ATP2B2: variants seen among roughly 807,000 people sequenced by gnomAD.
ATP2B2 encodes plasma membrane calcium-transporting ATPase 2.
A neutral mutation model predicts 120.0 loss-of-function variants in ATP2B2; 15 were observed. The ratio of observed to expected loss-of-function variants is 0.12; its 90% CI spans 0.08 to 0.19. ATP2B2 has a LOEUF of 0.19. Ranked by LOEUF, ATP2B2 falls within the 10% of genes least tolerant of loss-of-function variation. ATP2B2 has a pLI of 1.00. For synonymous variants in ATP2B2, 694 were observed against 700.3 expected, an observed-to-expected ratio of 0.99 and a Z score of 0.14; for missense variants, 1,045 against 1,719.8, an observed-to-expected ratio of 0.61 and a Z score of 6.94.
intron 2 of ATP2B2, among the ~76,000 whole-genome samples, chr3:10,615,627 C>T (rs1488191920): frequency 6.6e-6 from 1 of 152,180 alleles, no homozygotes; most frequent in Non-Finnish European, 1.5e-5. Flanking sequence ...AGAGGTGAAG[C>T]TTTGTTTCTG....
At chr3:10,348,407 AC>A in intron 16 of ATP2B2, among the ~76,000 whole-genome samples, 1 of 152,206 alleles carries the variant, frequency 6.6e-6, no homozygotes, top group South Asian at 2.1e-4. Context: ...TGATGCTTCT[AC>A]CCTCTAAACC....
intron 1 of ATP2B2, among the ~76,000 whole-genome samples, chr3:10,702,111 A>G (rs1287820001): frequency 6.6e-6 from 1 of 152,134 alleles, no homozygotes; most frequent in African/African-American, 2.4e-5. Context: ...CGCTACCCAG[A>G]GTGGCTACCA....
chr3:10,370,675 G>A (rs566582947), intron 12 of ATP2B2, among the ~76,000 whole-genome samples: 2 of 152,156 alleles, frequency 1.3e-5, no homozygotes, highest in African/African-American at 2.4e-5. Flanking sequence ...TCCCCATTTC[G>A]ATAAAGCTGC....
intron 7 of ATP2B2, 135 bp from the exon 8 acceptor site, chr3:10,385,462 G>A (rs1158564228): frequency 4.0e-6 from 3 of 749,804 alleles, no homozygotes; most frequent in Non-Finnish European, 6.7e-6. Context: ...TGGAAACCAA[G>A]AAACTCAAAT....
rs573833586 is a variant in ATP2B2 at position 10,342,149 on chromosome 3, T to A, written c.2917+603A>T. Among the ~76,000 whole-genome samples, 6 of 152,342 alleles carry A rather than the reference T, an allele frequency of 3.9e-5. No homozygotes were observed. Among genetic ancestry groups the A allele is most frequent in the African/African-American group, 1.4e-4 (6 of 41,582 alleles). ...AGTCTTGGCCCCAGCCAGACCTGGT[T>A]CTGTGCCCAGACTCTTCCTCAGACT... On this transcript the variant is annotated intron_variant, in intron 19 of 22. Coordinates refer to ENST00000360273, the MANE Select transcript of ATP2B2 (RefSeq NM_001001331.4). This position sits in a 1 kb window ranked among gnomAD's most constrained non-coding sequence, Gnocchi z 4.4.
At chr3:10,354,342 C>T (rs932325576) in intron 14 of ATP2B2, among the ~76,000 whole-genome samples, 2 of 151,980 alleles carry the variant, frequency 1.3e-5, no homozygotes, top group Admixed American at 6.5e-5. Flanking sequence ...CTTCCCACAT[C>T]GATAAAATTA....
At chr3:10,334,038 A>G (rs11916041) in intron 22 of ATP2B2, among the ~76,000 whole-genome samples, 2,825 of 152,358 alleles carry the variant, frequency 0.019, 82 homozygotes, top group African/African-American at 0.063. Context: ...GGCTTTGCAA[A>G]TGAGGCAGAA....
rs1444618047 is a variant in ATP2B2 at position 10,371,760 on chromosome 3, A to G, written c.1659+49T>C. The G allele has an allele frequency of 1.9e-6, 3 of 1,613,800 alleles. No individual in the cohort carries two copies. In the Admixed American group the frequency reaches 5.0e-5, roughly 27 times the overall value. On this transcript the variant is annotated intron_variant, in intron 12 of 22. Transcript: ENST00000360273. ...TCAACCTGCCCAGTACCTCTGTACC[A>G]TCCCATGGATGTTGCTCCAGGTGGT...
chr3:10,657,533 G>A (rs574029956), intron 1 of ATP2B2, among the ~76,000 whole-genome samples: 122 of 152,346 alleles, frequency 8.0e-4, no homozygotes, highest in South Asian at 4.3e-3. Flanking sequence ...ACTGCCAGGC[G>A]GCAGCGAGGC....
intron 1 of ATP2B2, among the ~76,000 whole-genome samples, chr3:10,639,151 A>C (rs1177100049): frequency 6.6e-6 from 1 of 152,138 alleles, no homozygotes; most frequent in Non-Finnish European, 1.5e-5. Flanking sequence ...AAATAGATAA[A>C]TTGGGCTTCA....
intron 2 of ATP2B2, among the ~76,000 whole-genome samples, chr3:10,568,214 C>T (rs576069621): frequency 2.4e-4 from 37 of 152,314 alleles, no homozygotes; most frequent in Admixed American, 5.9e-4. Context: ...TTACCTCTGC[C>T]GGCCACAAAG....
intron 2 of ATP2B2, among the ~76,000 whole-genome samples, chr3:10,540,297 G>A (rs1226352353): frequency 6.6e-6 from 1 of 152,182 alleles, no homozygotes; most frequent in East Asian, 1.9e-4. Flanking sequence ...CAACCATTGT[G>A]GAAGACTGTG....
intron 2 of ATP2B2, among the ~76,000 whole-genome samples, chr3:10,547,559 C>T (rs564289498): frequency 6.6e-6 from 1 of 152,304 alleles, no homozygotes; most frequent in South Asian, 2.1e-4. Flanking sequence ...TTTCCCAAAG[C>T]ACTCTTATGC....
At chr3:10,364,911 T>C (rs2060999265) in intron 12 of ATP2B2, among the ~76,000 whole-genome samples, 4 of 152,344 alleles carry the variant, frequency 2.6e-5, no homozygotes, top group Middle Eastern at 3.4e-3. Flanking sequence ...TCTCCCCTGA[T>C]GCCTGGAGGC....
intron 1 of ATP2B2, among the ~76,000 whole-genome samples, chr3:10,646,940 C>T (rs533409523): frequency 6.9e-4 from 105 of 152,280 alleles, no homozygotes; most frequent in African/African-American, 2.0e-3. Context: ...AGGCAAGAAG[C>T]GCCCTGCAAG....
At chr3:10,683,760 G>GTGTGTGTA (rs1446781892) in intron 1 of ATP2B2, among the ~76,000 whole-genome samples, 26 of 53,896 alleles carry the variant, frequency 4.8e-4, no homozygotes, top group African/African-American at 1.1e-3. Flanking sequence ...GTGTGTGTGT[G>GTGTGTGTA]TATATATATA....
At chr3:10,643,001 T>G (rs1178155613) in intron 1 of ATP2B2, among the ~76,000 whole-genome samples, 1 of 152,134 alleles carries the variant, frequency 6.6e-6, no homozygotes, top group African/African-American at 2.4e-5. Context: ...CAGGCCAGGT[T>G]CAGGATGAGC....
At chr3:10,660,046 C>G (rs1257454858) in intron 1 of ATP2B2, among the ~76,000 whole-genome samples, 1 of 152,072 alleles carries the variant, frequency 6.6e-6, no homozygotes, top group Non-Finnish European at 1.5e-5. Context: ...TCTTTGAAAC[C>G]AATGAGAATG....
chr3:10,372,238 C>T (rs554520403), intron 11 of ATP2B2, among the ~76,000 whole-genome samples, 187 bp from the exon 12 acceptor site: 1 of 152,302 alleles, frequency 6.6e-6, no homozygotes, highest in East Asian at 1.9e-4. Context: ...TTTGTCTGCG[C>T]GTGGCCCTTT....
Sources: gnomAD v4.1 joint callset for allele counts (sites outside exome capture counted in the v4.1 genomes callset) on GRCh38, gnomAD v4.1.1 for gene constraint, Gnocchi (gnomAD v3.1) non-coding constraint, MANE v1.5 for transcripts, NCBI Gene and HGNC (gene_info 2026-07-23, HGNC 2026-07-21) for gene names.